IGF2BP3: variants seen among roughly 807,000 people sequenced by gnomAD.
IGF2BP3 encodes insulin-like growth factor 2 mRNA-binding protein 3.
A neutral mutation model predicts 73.8 loss-of-function variants in IGF2BP3; 9 were observed. The observed-to-expected ratio is 0.12, with a 90% confidence interval of 0.07 to 0.21. The LOEUF (loss-of-function observed/expected upper bound fraction) is 0.21, where lower values mean the gene tolerates loss of function less well. Ranked by LOEUF, IGF2BP3 falls within the 10% of genes least tolerant of loss-of-function variation. The probability of loss-of-function intolerance (pLI) is 1.00; values close to 1 mark genes in which losing one functional copy is unlikely to be tolerated. For synonymous variants in IGF2BP3, 258 were observed against 256.7 expected (o/e 1.01, Z -0.05); for missense variants, 542 against 714.0 (o/e 0.76, Z 2.75).
Position 23,346,111 on chromosome 7 carries a change from T to C in IGF2BP3, c.819-49A>G, listed in dbSNP as rs374805185. 1.4e-3 allele frequency: 2,208 copies of C among 1,572,488 alleles called. 19 individuals are homozygous for C. The highest frequency in any genetic ancestry group is 0.011 in the South Asian group (974 of 85,054). On this transcript the variant is annotated intron_variant, in intron 7 of 14. Transcript: ENST00000258729. The stretch of plus-strand genomic sequence containing the variant: ...AAATTAGAATAAGTAAACCTATTCG[T>C]GGGTAAAAAGACAATATTCACTCAT...
At chr7:23,369,649 C>G (rs891046721) in intron 3 of IGF2BP3, among the ~76,000 whole-genome samples, 1 of 151,850 alleles carries the variant, frequency 6.6e-6, no homozygotes, top group African/African-American at 2.4e-5. Context: ...CTATCACCAT[C>G]ATGACAAGTT....
chr7:23,318,184 G>T (rs557025723), intron 11 of IGF2BP3, among the ~76,000 whole-genome samples: 1 of 152,024 alleles, frequency 6.6e-6, no homozygotes, highest in Non-Finnish European at 1.5e-5. Flanking sequence ...ACACACTCTA[G>T]GAATCTCTGT....
chr7:23,367,766 C>T (rs1481726438), intron 3 of IGF2BP3, among the ~76,000 whole-genome samples: 1 of 152,018 alleles, frequency 6.6e-6, no homozygotes, highest in African/African-American at 2.4e-5. Flanking sequence ...TTTGGGTGGC[C>T]GAGGTGGGTG....
At chr7:23,335,874 C>T (rs1048393359) in intron 10 of IGF2BP3, among the ~76,000 whole-genome samples, 2 of 152,186 alleles carry the variant, frequency 1.3e-5, no homozygotes. Context: ...CTGAAAGGCG[C>T]GTTTCCTGTC....
At chr7:23,370,587 G>A (rs1014159865) in intron 3 of IGF2BP3, among the ~76,000 whole-genome samples, 1 of 152,108 alleles carries the variant, frequency 6.6e-6, no homozygotes, top group Non-Finnish European at 1.5e-5. Context: ...TCACTGCTCA[G>A]GATCTGTGAT....
At chr7:23,338,260 T>C (rs1784623529) in intron 10 of IGF2BP3, among the ~76,000 whole-genome samples, 2 of 152,182 alleles carry the variant, frequency 1.3e-5, no homozygotes, top group South Asian at 2.1e-4. Context: ...TATGTATTTG[T>C]GCTTATCCTG....
At chr7:23,366,127 C>T (rs1226131114) in intron 3 of IGF2BP3, among the ~76,000 whole-genome samples, 1 of 151,790 alleles carries the variant, frequency 6.6e-6, no homozygotes, top group Non-Finnish European at 1.5e-5. Flanking sequence ...TATTGGTTGT[C>T]AACTTCCGTG....
In IGF2BP3 at chr7:23,312,282, G is replaced by A; in HGVS notation, c.*80C>T. On this transcript the variant is annotated 3_prime_UTR_variant, in exon 15 of 15. Coordinates refer to ENST00000258729, the MANE Select transcript of IGF2BP3 (RefSeq NM_006547.3). ...AACTTGTGCATGTGATTCTGGATAGGGGGTCAGCGCCCATCTGTTGGTTAA... is the reference window on the plus strand; with the variant it reads ...AACTTGTGCATGTGATTCTGGATAGAGGGTCAGCGCCCATCTGTTGGTTAA... The A allele has an allele frequency of 1.9e-6, 2 of 1,026,438 alleles. No individual in the cohort carries two copies. Among genetic ancestry groups the A allele is most frequent in the Non-Finnish European group, 3.1e-6 (2 of 655,698 alleles). The allele number at this position is 1,026,438 out of a possible 1,614,324, so 63.6% of individuals were successfully genotyped here.
chr7:23,409,686 C>CA (rs1334971702), intron 3 of IGF2BP3, among the ~76,000 whole-genome samples: 1 of 151,954 alleles, frequency 6.6e-6, no homozygotes, highest in East Asian at 1.9e-4. Context: ...CATTTACATG[C>CA]AAAAAATAAA....
chr7:23,393,029 G>A (rs1786333999), intron 3 of IGF2BP3, among the ~76,000 whole-genome samples: 1 of 152,188 alleles, frequency 6.6e-6, no homozygotes, highest in Admixed American at 6.5e-5. Flanking sequence ...AGGACACTCT[G>A]ATATCTGACT....
chr7:23,381,196 T>G (rs1418344982), intron 3 of IGF2BP3, among the ~76,000 whole-genome samples: 2 of 152,226 alleles, frequency 1.3e-5, no homozygotes, highest in Admixed American at 1.3e-4. Context: ...ACTGGATTCT[T>G]CACACACATT....
intron 3 of IGF2BP3, among the ~76,000 whole-genome samples, chr7:23,417,650 CA>C (rs1008250120): frequency 2.4e-4 from 36 of 152,248 alleles, no homozygotes; most frequent in African/African-American, 8.7e-4. Flanking sequence ...TATTAAATTA[CA>C]TTTTAAATCA....
chr7:23,402,776 T>C (rs1224924122), intron 3 of IGF2BP3: 1 of 152,198 alleles, frequency 6.6e-6, no homozygotes, highest in African/African-American at 2.4e-5. Context: ...TTATTTTCAT[T>C]GTGTTTTACA....
intron 13 of IGF2BP3, 101 bp from the exon 14 acceptor site, chr7:23,312,949 A>C: frequency 1.5e-6 from 1 of 656,394 alleles, no homozygotes; most frequent in Non-Finnish European, 2.6e-6. Context: ...TGGCTTTACA[A>C]ATTTCATTTA....
intron 3 of IGF2BP3, among the ~76,000 whole-genome samples, chr7:23,393,738 A>T (rs1786358661): frequency 1.3e-5 from 2 of 152,326 alleles, no homozygotes; most frequent in Admixed American, 1.3e-4. Flanking sequence ...AAGGGGGGCA[A>T]TCATGTTCAT....
intron 2 of IGF2BP3, among the ~76,000 whole-genome samples, chr7:23,435,295 A>C (rs1303218830): frequency 1.3e-5 from 1 of 77,990 alleles, no homozygotes; most frequent in Non-Finnish European, 3.1e-5. Flanking sequence ...TCTGTCTCAA[A>C]AAAAAAAAAA....
intron 2 of IGF2BP3, among the ~76,000 whole-genome samples, chr7:23,455,143 T>C (rs917573778): frequency 6.6e-6 from 1 of 152,170 alleles, no homozygotes; most frequent in South Asian, 2.1e-4. Context: ...AAATCAGCAT[T>C]TGCTAAATGG....
At chr7:23,450,201 T>C (rs1788164566) in intron 2 of IGF2BP3, among the ~76,000 whole-genome samples, 1 of 152,198 alleles carries the variant, frequency 6.6e-6, no homozygotes, top group African/African-American at 2.4e-5. Context: ...TTTTATGATC[T>C]GTATGAAGAA....
At chr7:23,343,569 A>T (rs777697369) in intron 9 of IGF2BP3, 149 bp downstream of exon 9, 7 of 698,146 alleles carry the variant, frequency 1.0e-5, no homozygotes, top group Non-Finnish European at 1.7e-5. Flanking sequence ...TATCTTCCCT[A>T]CTATCCCAGG....
Sources: gnomAD v4.1 joint callset for allele counts (sites outside exome capture counted in the v4.1 genomes callset) on GRCh38, gnomAD v4.1.1 for gene constraint, MANE v1.5 for transcripts, NCBI Gene and HGNC (gene_info 2026-07-23, HGNC 2026-07-21) for gene names.